C9orf85: variants seen among roughly 807,000 people sequenced by gnomAD.
The protein encoded by C9orf85 is chromosome 9 open reading frame 85, also known as uncharacterized protein C9orf85.
In C9orf85, 16 loss-of-function variants were observed where a neutral mutation model predicts 14.9. The observed-to-expected ratio is 1.08, with a 90% CI of 0.73 to 1.63. The LOEUF (loss-of-function observed/expected upper bound fraction) is 1.63, where lower values mean the gene tolerates loss of function less well. Ranked by LOEUF, C9orf85 falls within the 40% of genes most tolerant of loss-of-function variation. The pLI is 0.00. For synonymous variants in C9orf85, 45 were observed against 56.8 expected (o/e 0.79, Z 0.93); for missense variants, 172 against 186.1 (o/e 0.92, Z 0.44).
intron 1 of C9orf85, among the ~76,000 whole-genome samples, chr9:71,919,226 C>T (rs1827731188): frequency 6.6e-6 from 1 of 152,194 alleles, no homozygotes; most frequent in African/African-American, 2.4e-5. Flanking sequence ...TCCTGTCTCC[C>T]CATGCCCAGA....
At chr9:71,937,395 G>A (rs1828216400) in intron 1 of C9orf85, among the ~76,000 whole-genome samples, 1 of 152,178 alleles carries the variant, frequency 6.6e-6, no homozygotes, top group Non-Finnish European at 1.5e-5. Context: ...CAACTGAATA[G>A]CTTTGCCCAC....
At chr9:71,930,269 A>G (rs1411240160) in intron 1 of C9orf85, among the ~76,000 whole-genome samples, 1 of 152,146 alleles carries the variant, frequency 6.6e-6, no homozygotes, top group Admixed American at 6.5e-5. Context: ...GACCAGAAAC[A>G]TAAACAACCA....
intron 2 of C9orf85, among the ~76,000 whole-genome samples, chr9:71,964,058 C>T (rs1822610477): frequency 6.6e-6 from 1 of 152,266 alleles, no homozygotes; most frequent in South Asian, 2.1e-4. Flanking sequence ...TGTAAATACA[C>T]CAATCAGCAC....
At chr9:71,976,449 T>G (rs1589277180), downstream of C9orf85, among the ~76,000 whole-genome samples, 1 of 152,026 alleles carries the variant, frequency 6.6e-6, no homozygotes, top group Non-Finnish European at 1.5e-5. Flanking sequence ...GATCACGAGG[T>G]CAGGAGATCG....
intron 2 of C9orf85, among the ~76,000 whole-genome samples, chr9:71,962,425 T>C (rs1188162459): frequency 6.6e-6 from 1 of 152,234 alleles, no homozygotes; most frequent in Admixed American, 6.5e-5. Flanking sequence ...TTAGAGCCAT[T>C]GCAGGAAAAT....
downstream of C9orf85, chr9:71,983,623 T>C (rs753191433): frequency 6.6e-6 from 1 of 152,222 alleles, no homozygotes; most frequent in Non-Finnish European, 1.5e-5. Flanking sequence ...CTGCATCATT[T>C]ACAAAACTGT....
At chr9:71,917,835 A>G (rs969751862) in intron 1 of C9orf85, among the ~76,000 whole-genome samples, 2 of 152,244 alleles carry the variant, frequency 1.3e-5, no homozygotes, top group Non-Finnish European at 2.9e-5. Context: ...AGGCCTATGC[A>G]TGACATTGAT....
At chr9:71,951,253 T>C (rs945780036) in intron 2 of C9orf85, among the ~76,000 whole-genome samples, 1 of 152,188 alleles carries the variant, frequency 6.6e-6, no homozygotes, top group Non-Finnish European at 1.5e-5. Context: ...GGAAGAGAGA[T>C]GAATTGAAAA....
At chr9:71,959,616 G>C (rs2310093) in intron 2 of C9orf85, among the ~76,000 whole-genome samples, 142,768 of 152,260 alleles carry the variant, frequency 0.94, 67,550 homozygotes, top group East Asian at 1. Flanking sequence ...TCTATTTCTG[G>C]CTTTTATTTT....
chr9:71,948,042 A>G (rs1410524377), intron 2 of C9orf85, among the ~76,000 whole-genome samples: 1 of 152,238 alleles, frequency 6.6e-6, no homozygotes, highest in Non-Finnish European at 1.5e-5. Context: ...TAAGGACAAT[A>G]TTGGAGAGTA....
At chr9:71,923,848 G>A (rs1327933819) in intron 1 of C9orf85, among the ~76,000 whole-genome samples, 1 of 152,120 alleles carries the variant, frequency 6.6e-6, no homozygotes, top group African/African-American at 2.4e-5. Context: ...GATTTAATGT[G>A]TAAATTTCCT....
At chr9:71,968,735 C>T (rs1234557506) in intron 2 of C9orf85, among the ~76,000 whole-genome samples, 3 of 152,090 alleles carry the variant, frequency 2.0e-5, no homozygotes, top group South Asian at 2.1e-4. Flanking sequence ...GGGTGTGTCT[C>T]GCGGATGGAG....
chr9:71,955,190 TTGTA>T (rs1822353534), intron 2 of C9orf85, among the ~76,000 whole-genome samples: 1 of 152,182 alleles, frequency 6.6e-6, no homozygotes, highest in African/African-American at 2.4e-5. Flanking sequence ...CATTGTATTA[TTGTA>T]TGTGTCTATC....
intron 1 of C9orf85, among the ~76,000 whole-genome samples, chr9:71,942,599 T>C (rs925437697): frequency 3.3e-5 from 5 of 152,204 alleles, no homozygotes; most frequent in Non-Finnish European, 5.9e-5. Context: ...ATGTAGTTTA[T>C]GATTTGAAAC....
chr9:71,928,593 G>A (rs906321750), intron 1 of C9orf85, among the ~76,000 whole-genome samples: 1 of 152,162 alleles, frequency 6.6e-6, no homozygotes, highest in Non-Finnish European at 1.5e-5. Flanking sequence ...TAAACTTGGA[G>A]TCAGGGCCAC....
intron 1 of C9orf85, among the ~76,000 whole-genome samples, chr9:71,922,980 A>T (rs1827851024): frequency 6.6e-6 from 1 of 152,170 alleles, no homozygotes; most frequent in Non-Finnish European, 1.5e-5. Context: ...ATACAAAAAA[A>T]TTAGCTGGGC....
At chr9:71,926,482 C>T (rs1301861038) in intron 1 of C9orf85, among the ~76,000 whole-genome samples, 3 of 151,482 alleles carry the variant, frequency 2.0e-5, no homozygotes, top group Non-Finnish European at 4.4e-5. Flanking sequence ...AACCATGAAA[C>T]GCATGCTAGA....
intron 3 of C9orf85, among the ~76,000 whole-genome samples, chr9:71,981,934 T>C (rs1371581257): frequency 6.6e-6 from 1 of 152,156 alleles, no homozygotes; most frequent in African/African-American, 2.4e-5. Context: ...ACTCACCAAT[T>C]TTAAGTGTAT....
At chr9:71,975,478 G>GAATACT (rs1190327924), downstream of C9orf85, among the ~76,000 whole-genome samples, 1 of 148,272 alleles carries the variant, frequency 6.7e-6, no homozygotes, top group Non-Finnish European at 1.5e-5. Flanking sequence ...AAAATGAATA[G>GAATACT]AAATACTATC....
Sources: gnomAD v4.1 joint callset for allele counts (sites outside exome capture counted in the v4.1 genomes callset) on GRCh38, gnomAD v4.1.1 for gene constraint, MANE v1.5 for transcripts, NCBI Gene and HGNC (gene_info 2026-07-23, HGNC 2026-07-21) for gene names.